MYH11: variants seen among roughly 807,000 people sequenced by gnomAD.
MYH11 encodes the protein myosin-11.
Under a neutral mutation model 246.6 loss-of-function variants are expected in MYH11, and 80 were observed. That is an observed-to-expected ratio of 0.32 (90% CI 0.27 to 0.39). The LOEUF is 0.39. Ranked by LOEUF, MYH11 falls within the 10% of genes least tolerant of loss-of-function variation. The pLI is 1.00. For synonymous variants in MYH11, 1,071 were observed against 1,015.5 expected (o/e 1.05, Z -1.04); for missense variants, 2,158 against 2,546.8 (o/e 0.85, Z 3.29).
chr16:15,706,582 C>T (rs1009504959), intron 40 of MYH11, among the ~76,000 whole-genome samples: 5 of 152,070 alleles, frequency 3.3e-5, no homozygotes, highest in African/African-American at 1.2e-4. Context: ...TGGCAGGCGC[C>T]TGGAATCCCA....
chr16:15,799,205 A>G (rs2042824067), intron 3 of MYH11, among the ~76,000 whole-genome samples: 1 of 152,058 alleles, frequency 6.6e-6, no homozygotes. Context: ...GGTTTCCCCC[A>G]TCACCCCTAC....
At chr16:15,834,651 G>A (rs2043843717) in intron 2 of MYH11, among the ~76,000 whole-genome samples, 1 of 152,032 alleles carries the variant, frequency 6.6e-6, no homozygotes, top group Admixed American at 6.6e-5. Flanking sequence ...AGAAAGTAAA[G>A]ATACATTTTG....
intron 3 of MYH11, among the ~76,000 whole-genome samples, chr16:15,816,956 C>T (rs1236946161): frequency 6.6e-6 from 1 of 152,080 alleles, no homozygotes; most frequent in Admixed American, 6.6e-5. Context: ...TTCCTACATG[C>T]ACTGATATGT....
At chr16:15,763,741 T>TCGCGCCCCCCCCCCCCCCC in intron 10 of MYH11, 55 bp downstream of exon 10, 1 of 646,862 alleles carries the variant, frequency 1.5e-6, no homozygotes, top group Non-Finnish European at 2.9e-6. Context: ...AAATGTCACC[T>TCGCGCCCCCCCCCCCCCCC]CCCCCACCCC....
At chr16:15,796,867 G>T (rs1042215673) in intron 4 of MYH11, among the ~76,000 whole-genome samples, 1 of 152,158 alleles carries the variant, frequency 6.6e-6, no homozygotes, top group African/African-American at 2.4e-5. Flanking sequence ...AACCAAGTCG[G>T]CAGGTTGTTT....
At chr16:15,728,891 CTT>C (rs201023456) in intron 27 of MYH11, among the ~76,000 whole-genome samples, 1 of 151,576 alleles carries the variant, frequency 6.6e-6, no homozygotes, top group African/African-American at 2.4e-5. Flanking sequence ...CAGAGTGAGA[CTT>C]TGTCTCAAAA....
intron 3 of MYH11, among the ~76,000 whole-genome samples, chr16:15,806,731 A>G (rs35982068): frequency 0.25 from 38,258 of 151,930 alleles, 5,958 homozygotes; most frequent in African/African-American, 0.44. Flanking sequence ...AAAATTGTTC[A>G]TTTTCAATGC....
chr16:15,827,044 G>A (rs960605154), intron 2 of MYH11, among the ~76,000 whole-genome samples: 9 of 149,872 alleles, frequency 6.0e-5, no homozygotes, highest in Non-Finnish European at 8.9e-5. Flanking sequence ...TGATGGAGAC[G>A]GAGGTTCTCA....
chr16:15,822,177 G>T (rs216155), intron 3 of MYH11, among the ~76,000 whole-genome samples: 76,386 of 151,960 alleles, frequency 0.5, 21,941 homozygotes, highest in African/African-American at 0.8. Context: ...CCTGGATTCC[G>T]GCCTCAAGAA....
intron 9 of MYH11, among the ~76,000 whole-genome samples, chr16:15,765,302 G>T (rs2041957364): frequency 6.6e-6 from 1 of 152,048 alleles, no homozygotes; most frequent in South Asian, 2.1e-4. Flanking sequence ...AATAATTCAT[G>T]GATAGAGGAT....
chr16:15,844,386 CG>C (rs1177266073), intron 1 of MYH11, among the ~76,000 whole-genome samples: 6 of 152,094 alleles, frequency 3.9e-5, no homozygotes, highest in African/African-American at 1.4e-4. Context: ...TTAGTAGAGA[CG>C]GGGTTTCACC....
intron 40 of MYH11, among the ~76,000 whole-genome samples, chr16:15,707,751 C>T (rs1379681330): frequency 2.6e-5 from 4 of 152,138 alleles, no homozygotes; most frequent in Non-Finnish European, 5.9e-5. Flanking sequence ...GCGCGCGGAT[C>T]ACCTGAAGTC....
At chr16:15,783,436 G>C (rs2042401086) in intron 5 of MYH11, 2 of 152,300 alleles carry the variant, frequency 1.3e-5, no homozygotes, top group Non-Finnish European at 2.9e-5. Flanking sequence ...TGCTAGGAAG[G>C]CATCAGGGTA....
intron 31 of MYH11, among the ~76,000 whole-genome samples, chr16:15,722,596 G>A: frequency 6.6e-6 from 1 of 152,180 alleles, no homozygotes; most frequent in East Asian, 1.9e-4. Context: ...ACGAAGCATT[G>A]AAGATGAGCT....
chr16:15,843,772 A>G (rs899003465), intron 1 of MYH11, among the ~76,000 whole-genome samples: 1 of 152,118 alleles, frequency 6.6e-6, no homozygotes, highest in Non-Finnish European at 1.5e-5. Context: ...GTAATTGCTA[A>G]AACCATTAGG....
chr16:15,718,249 T>A, intron 37 of MYH11, 66 bp downstream of exon 37: 1 of 1,602,248 alleles, frequency 6.2e-7, no homozygotes, highest in African/African-American at 1.3e-5. Flanking sequence ...GTGTGTTGAC[T>A]GGTGCAGGAT....
chr16:15,830,248 C>T (rs182716673), intron 2 of MYH11, among the ~76,000 whole-genome samples: 11 of 152,280 alleles, frequency 7.2e-5, no homozygotes, highest in Admixed American at 5.2e-4. Context: ...TGGATAATCA[C>T]GGCTTCTTTA....
rs754800330 is a variant in MYH11 at position 15,717,220 on chromosome 16, G to C, written c.5424C>G (p.Val1808=). The change falls in exon 38 of 41, where the codon GTC becomes GTG. Residue 1808 remains valine, a synonymous_variant. Transcript: ENST00000300036. ...CGATGGTGGACTTGAACTTGGACTT[G>C]ACGGCCCCCTCCATCTCGTGGAGCT... ...RSKLHEMEGA[V]KSKFKSTIAA... 3.7e-6 allele frequency: 6 copies of C among 1,614,078 alleles called. No homozygotes were observed. The East Asian group carries it at 8.9e-5, about 24-fold the overall frequency.
chr16:15,786,756 T>C (rs1351731864), intron 4 of MYH11, 24 bp from the exon 5 acceptor site: 1 of 1,594,538 alleles, frequency 6.3e-7, no homozygotes, highest in Non-Finnish European at 8.6e-7. Context: ...GAACATCATC[T>C]ATGCACACGT....
Sources: allele counts gnomAD v4.1 joint callset (sites outside exome capture counted in the v4.1 genomes callset), GRCh38; gene constraint gnomAD v4.1.1; transcripts MANE v1.5; gene names NCBI Gene and HGNC (gene_info 2026-07-23, HGNC 2026-07-21).